The following PWWP3B variants were observed in gnomAD, a reference collection of about 807,000 sequenced individuals.
The protein encoded by PWWP3B is PWWP domain-containing DNA repair factor 3B.
In PWWP3B, 5 loss-of-function variants were observed where a neutral mutation model predicts 15.7. The ratio of observed to expected loss-of-function variants is 0.32; its 90% CI spans 0.17 to 0.67. PWWP3B has a LOEUF of 0.67. Ranked by LOEUF, PWWP3B falls within the 30% of genes least tolerant of loss-of-function variation. The pLI, the probability that PWWP3B is intolerant of heterozygous loss-of-function variation, is 0.74. For missense variants in PWWP3B, 519 were observed against 493.1 expected (o/e 1.05, Z -0.50); for synonymous variants, 203 against 179.8 (o/e 1.13, Z -1.03).
At position 106,206,851 on chromosome X, in the gene PWWP3B, T is replaced by C. The variant is rs1291808234; in HGVS notation, c.1419T>C (p.Ile473=). ...GTATTGACTGGTGCATCTCACTAATTTGTGACTACAGAGTTAGAATAGGTT... is the reference window on the plus strand; with the variant it reads ...GTATTGACTGGTGCATCTCACTAATCTGTGACTACAGAGTTAGAATAGGTT... ...SESIDWCISL[I]CDYRVRIGCG... The change falls in exon 4 of 4, where the codon ATT becomes ATC. Residue 473 remains isoleucine, a synonymous_variant. Coordinates refer to ENST00000357175, the MANE Select transcript of PWWP3B (RefSeq NM_001171020.2). 2.5e-6 allele frequency: 3 copies of C among 1,209,875 alleles called. No homozygotes were observed. Among genetic ancestry groups the C allele is most frequent in the Non-Finnish European group, 3.4e-6 (3 of 895,065 alleles).
chrX:106,179,877 A>G, intron 2 of PWWP3B, among the ~76,000 whole-genome samples: 1 of 112,361 alleles, frequency 8.9e-6, no homozygotes, highest in Non-Finnish European at 1.9e-5. Flanking sequence ...TATATATGCT[A>G]AACTCCTGTA....
Position 106,194,647 on chromosome X carries a change from CT to C in PWWP3B, c.-400-9330del, listed in dbSNP as rs907720283. On this transcript the variant is annotated intron_variant, in intron 2 of 3. Coordinates refer to ENST00000357175, the MANE Select transcript of PWWP3B (RefSeq NM_001171020.2). The stretch of plus-strand genomic sequence containing the variant: ...TTTTAGAGTTTCCAGTTTTTCTGCT[CT>C]TTTTTTTCCCCATCTTTGTGGTTTT... Among the ~76,000 whole-genome samples the C allele has an allele frequency of 9.9e-5, 11 of 111,269 alleles. No homozygotes were observed. In the Admixed American group the frequency reaches 1.0e-3, roughly 11 times the overall value.
chrX:106,179,674 T>C (rs1361188841), intron 2 of PWWP3B, among the ~76,000 whole-genome samples: 1 of 111,809 alleles, frequency 8.9e-6, no homozygotes, highest in Non-Finnish European at 1.9e-5. Context: ...GGAGTAAGAA[T>C]TAACACAGCT....
At chrX:106,180,210 G>A (rs1922115991) in intron 2 of PWWP3B, among the ~76,000 whole-genome samples, 1 of 111,053 alleles carries the variant, frequency 9.0e-6, no homozygotes, top group African/African-American at 3.3e-5. Context: ...TTCATTAATA[G>A]GAATAGTGTC....
intron 2 of PWWP3B, among the ~76,000 whole-genome samples, chrX:106,200,016 G>A (rs1923606554): frequency 9.0e-6 from 1 of 111,695 alleles, no homozygotes; most frequent in East Asian, 2.8e-4. Context: ...GGGGTCACAG[G>A]GAGATTACAT....
At position 106,188,398 on chromosome X, in the gene PWWP3B, T is replaced by C. The variant is rs1015014985; in HGVS notation, c.-400-15587T>C. On this transcript the variant is annotated intron_variant, in intron 2 of 3. Coordinates refer to ENST00000357175, the MANE Select transcript of PWWP3B (RefSeq NM_001171020.2). ...AACCCACAGCCTTCTTTGGCAATCA[T>C]TGATTCAAAGTACAAATCAAAATCC... 7.2e-5 allele frequency among the ~76,000 whole-genome samples: 8 copies of C among 111,744 alleles called. No individual in the cohort carries two copies. The Admixed American group carries it at 7.6e-4, about 11-fold the overall frequency.
chrX:106,187,504 T>G (rs1413562721), intron 2 of PWWP3B, among the ~76,000 whole-genome samples: 1 of 111,918 alleles, frequency 8.9e-6, no homozygotes, highest in African/African-American at 3.2e-5. Context: ...TTTCTTTTTA[T>G]TCATATACAT....
chrX:106,171,536 C>A (rs1236771782), intron 2 of PWWP3B, among the ~76,000 whole-genome samples: 1 of 111,400 alleles, frequency 9.0e-6, no homozygotes, highest in Non-Finnish European at 1.9e-5. Flanking sequence ...GGTCTTATGA[C>A]CTTCTTGAAT....
In PWWP3B at chrX:106,206,595, A is replaced by G. The variant is rs767934806; in HGVS notation, c.1163A>G (p.His388Arg). Residue 388 changes from histidine to arginine, a missense_variant, in exon 4 of 4, where the codon CAT (histidine) becomes CGT (arginine). Physicochemically the swap from His to Arg is conservative, Grantham distance 29 (BLOSUM62 0). Transcript: ENST00000357175. ...LPRFILHYET[H>R]PFETGMIVWF... ...CGCTTCATTTTACATTATGAGACAC[A>G]TCCGTTTGAAACAGGAATGATAGTC... The G allele has an allele frequency of 1.2e-5, 15 of 1,208,820 alleles. No homozygotes were observed. The African/African-American group carries it at 2.3e-4, about 18-fold the overall frequency.
Position 106,207,693 on chromosome X carries a change from T to C in PWWP3B, c.*170T>C. On this transcript the variant is annotated 3_prime_UTR_variant, in exon 4 of 4. Coordinates refer to ENST00000357175, the MANE Select transcript of PWWP3B (RefSeq NM_001171020.2). The stretch of plus-strand genomic sequence containing the variant: ...TGGTTATAATTACATCTTTATTTCC[T>C]TTTCTTGCGCTTCTTCAAAGTTAAT... The C allele has an allele frequency of 2.3e-6, 1 of 426,402 alleles. No individual in the cohort carries two copies. The highest frequency in any genetic ancestry group is 3.8e-6 in the Non-Finnish European group (1 of 265,579). 35.1% of individuals were successfully genotyped at this position (426,402 alleles called of 1,213,427 possible). A position where few individuals can be genotyped will look rare whatever the true frequency, so the allele number is the denominator to read the frequency against.
intron 2 of PWWP3B, among the ~76,000 whole-genome samples, chrX:106,182,222 C>G (rs1451682049): frequency 9.0e-6 from 1 of 111,624 alleles, no homozygotes; most frequent in East Asian, 2.8e-4. Flanking sequence ...TCTGAGAAAT[C>G]CTTTGAGAGT....
Position 106,208,843 on chromosome X carries a change from T to C in PWWP3B, c.*1320T>C, listed in dbSNP as rs1924190796. 1 of 123,691 alleles carries C rather than the reference T, an allele frequency of 8.1e-6. No homozygotes were observed. Among genetic ancestry groups the C allele is most frequent in the Non-Finnish European group, 1.9e-5 (1 of 53,387 alleles). The allele number at this position is 123,691 out of a possible 1,213,427, so 10.2% of individuals were successfully genotyped here. On this transcript the variant is annotated 3_prime_UTR_variant, in exon 4 of 4. Transcript: ENST00000357175. ...ACATGAAACTGTCTGCATTTCTACC[T>C]GTTAGACAATGGTTGCTCTTGGGCT...
At chrX:106,189,278 G>A (rs901194049) in intron 2 of PWWP3B, among the ~76,000 whole-genome samples, 1 of 110,460 alleles carries the variant, frequency 9.1e-6, no homozygotes, top group Non-Finnish European at 1.9e-5. Context: ...TGTGCACAAC[G>A]TGCAGGTTTG....
At chrX:106,183,686 A>G (rs1922340832) in intron 2 of PWWP3B, among the ~76,000 whole-genome samples, 1 of 112,432 alleles carries the variant, frequency 8.9e-6, no homozygotes, top group Admixed American at 9.3e-5. Flanking sequence ...GATTCCTTGG[A>G]TGGTAACGGG....
intron 2 of PWWP3B, among the ~76,000 whole-genome samples, chrX:106,193,902 G>C (rs1265168986): frequency 1.8e-5 from 2 of 112,370 alleles, no homozygotes; most frequent in Non-Finnish European, 3.8e-5. Flanking sequence ...TTTCTGCCAA[G>C]AGATCAGCTG....
chrX:106,205,074 T>G, intron 3 of PWWP3B, 145 bp from the exon 4 acceptor site: 10 of 135,633 alleles, frequency 7.4e-5, no homozygotes, highest in Non-Finnish European at 1.0e-4. Context: ...CCCCCCGCAA[T>G]CTTATATTAT....
chrX:106,192,480 T>C (rs1363054114), intron 2 of PWWP3B, among the ~76,000 whole-genome samples: 1 of 111,595 alleles, frequency 9.0e-6, no homozygotes, highest in Non-Finnish European at 1.9e-5. Context: ...TGTTGATCTT[T>C]TCAAAAAACC....
At chrX:106,200,613 A>C (rs1490154748) in intron 2 of PWWP3B, among the ~76,000 whole-genome samples, 1 of 111,872 alleles carries the variant, frequency 8.9e-6, no homozygotes, top group Non-Finnish European at 1.9e-5. Flanking sequence ...GTTAAATCAG[A>C]AATCTATACT....
At chrX:106,177,642 A>G (rs1288632193) in intron 2 of PWWP3B, among the ~76,000 whole-genome samples, 1 of 112,572 alleles carries the variant, frequency 8.9e-6, no homozygotes, top group East Asian at 2.8e-4. Flanking sequence ...ACGTGGCACT[A>G]CATATTTCTA....
Sources: allele counts gnomAD v4.1 joint callset (sites outside exome capture counted in the v4.1 genomes callset), GRCh38; gene constraint gnomAD v4.1.1; transcripts MANE v1.5; gene names NCBI Gene and HGNC (gene_info 2026-07-23, HGNC 2026-07-21).